The following SLC71A1 variants were observed in gnomAD, a reference collection of about 807,000 sequenced individuals.
The protein encoded by SLC71A1 is hippocampus abundant gene transcript 1.
At chr1:100,077,085 A>G in the SLC71A1 span, 1 of 683,324 alleles carries the variant, frequency 1.5e-6, no homozygotes, top group South Asian at 2.0e-5. Flanking sequence ...GAAAAGTGCC[A>G]ATAGTCCTTT....
chr1:100,048,028 A>G, the SLC71A1 span, among the ~76,000 whole-genome samples: 1 of 152,290 alleles, frequency 6.6e-6, no homozygotes, highest in African/African-American at 2.4e-5. Flanking sequence ...CAGAGTTGAA[A>G]TTACCCTACC....
At chr1:100,038,238 C>G in the SLC71A1 span, 1 of 1,557,258 alleles carries the variant, frequency 6.4e-7, no homozygotes, top group Non-Finnish European at 8.7e-7. Flanking sequence ...GTAAAATGAC[C>G]CAGGGGAAGA....
At chr1:100,073,384 T>C in the SLC71A1 span, among the ~76,000 whole-genome samples, 194 of 152,318 alleles carry the variant, frequency 1.3e-3, no homozygotes, top group African/African-American at 4.7e-3. Flanking sequence ...CTCCTTATTA[T>C]GTCATTTTCC....
chr1:100,077,536 G>C, the SLC71A1 span, among the ~76,000 whole-genome samples: 1 of 152,138 alleles, frequency 6.6e-6, no homozygotes, highest in Admixed American at 6.6e-5. Flanking sequence ...GAATCTTTAA[G>C]GAGCATTTAA....
chr1:100,056,170 C>T, the SLC71A1 span, among the ~76,000 whole-genome samples: 1 of 152,344 alleles, frequency 6.6e-6, no homozygotes, highest in East Asian at 1.9e-4. Flanking sequence ...CTCTCTCCCA[C>T]TACCCTTCCC....
At chr1:100,081,960 A>C in the SLC71A1 span, 1 of 1,477,198 alleles carries the variant, frequency 6.8e-7, no homozygotes, top group African/African-American at 1.4e-5. Context: ...CTTATGAGTA[A>C]AAGTATTTGT....
chr1:100,051,867 T>C, the SLC71A1 span, among the ~76,000 whole-genome samples: 1 of 152,194 alleles, frequency 6.6e-6, no homozygotes, highest in African/African-American at 2.4e-5. Context: ...TTAAGCACAG[T>C]CCTAATGTAT....
the SLC71A1 span, among the ~76,000 whole-genome samples, chr1:100,038,501 C>T: frequency 2.6e-5 from 4 of 152,188 alleles, no homozygotes; most frequent in Admixed American, 2.6e-4. Flanking sequence ...CTCCGCTGCT[C>T]GGGCTTGCGG....
chr1:100,038,696 C>T, the SLC71A1 span, among the ~76,000 whole-genome samples: 3 of 152,114 alleles, frequency 2.0e-5, no homozygotes, highest in Non-Finnish European at 4.4e-5. Flanking sequence ...GCCGCCAGGC[C>T]CCGCGGAGCC....
At chr1:100,041,506 A>T in the SLC71A1 span, among the ~76,000 whole-genome samples, 1 of 152,268 alleles carries the variant, frequency 6.6e-6, no homozygotes, top group African/African-American at 2.4e-5. Context: ...TGAAAACAGC[A>T]TAAGTAACTA....
the SLC71A1 span, chr1:100,079,097 G>A: frequency 1.3e-5 from 2 of 152,204 alleles, no homozygotes; most frequent in South Asian, 2.1e-4. Flanking sequence ...ACTGATGAAT[G>A]TTGGCCACAG....
At chr1:100,083,315 TAAAAG>T in the SLC71A1 span, 1 of 152,572 alleles carries the variant, frequency 6.6e-6, no homozygotes, top group Non-Finnish European at 1.5e-5. Flanking sequence ...AATAAGGTCT[TAAAAG>T]AAATGTAAAT....
At chr1:100,072,795 G>A in the SLC71A1 span, among the ~76,000 whole-genome samples, 7 of 152,036 alleles carry the variant, frequency 4.6e-5, no homozygotes, top group Admixed American at 6.5e-5. Context: ...GCACCGGTAC[G>A]TATAAGAGTT....
the SLC71A1 span, chr1:100,049,809 T>G: frequency 7.6e-5 from 49 of 647,284 alleles, no homozygotes; most frequent in Admixed American, 1.1e-4. Context: ...ACATATATGA[T>G]CTTAATATTT....
chr1:100,068,772 C>G, the SLC71A1 span, among the ~76,000 whole-genome samples: 1 of 152,136 alleles, frequency 6.6e-6, no homozygotes, highest in Non-Finnish European at 1.5e-5. Context: ...CAGCTGAGGT[C>G]AGGAGATCAA....
the SLC71A1 span, among the ~76,000 whole-genome samples, chr1:100,070,325 G>T: frequency 2.0e-5 from 3 of 152,314 alleles, no homozygotes; most frequent in South Asian, 6.2e-4. Context: ...TCTCAGGAGA[G>T]ACTGTAGCTG....
At chr1:100,038,380 C>A in the SLC71A1 span, 1 of 1,306,910 alleles carries the variant, frequency 7.7e-7, no homozygotes, top group Admixed American at 2.0e-5. Flanking sequence ...CCTTCAGACC[C>A]CCACACTGCC....
the SLC71A1 span, chr1:100,062,124 G>A: frequency 2.0e-6 from 1 of 494,266 alleles, no homozygotes; most frequent in Non-Finnish European, 3.5e-6. Flanking sequence ...ATGAGGCTAT[G>A]TAAGTTTTGA....
At chr1:100,062,985 A>G in the SLC71A1 span, among the ~76,000 whole-genome samples, 1 of 152,032 alleles carries the variant, frequency 6.6e-6, no homozygotes, top group Admixed American at 6.6e-5. Flanking sequence ...GGAACATTAA[A>G]TGATACAAGG....
Sources: allele counts gnomAD v4.1 joint callset (sites outside exome capture counted in the v4.1 genomes callset), GRCh38; gene constraint gnomAD v4.1.1; transcripts MANE v1.5; gene names NCBI Gene and HGNC (gene_info 2026-07-23, HGNC 2026-07-21).